The following PTPRD variants were observed in gnomAD, a reference collection of about 807,000 sequenced individuals.
The protein encoded by PTPRD is receptor-type tyrosine-protein phosphatase delta.
In PTPRD, 34 loss-of-function variants were observed where a neutral mutation model predicts 214.5. The ratio of observed to expected loss-of-function variants is 0.16; its 90% CI spans 0.12 to 0.21. PTPRD has a LOEUF of 0.21. PTPRD is among the 10% of genes least tolerant of loss of function. The pLI is 1.00. For synonymous variants in PTPRD, 1,128 were observed against 845.7 expected, an observed-to-expected ratio of 1.33 and a Z score of -5.79; for missense variants, 2,545 against 2,398.7, an observed-to-expected ratio of 1.06 and a Z score of -1.27.
At chr9:9,076,602 C>A (rs2099751601) in intron 10 of PTPRD, among the ~76,000 whole-genome samples, 1 of 152,020 alleles carries the variant, frequency 6.6e-6, no homozygotes, top group Admixed American at 6.6e-5. Flanking sequence ...TCCTTCAGTT[C>A]CATCTCTGTT....
At chr9:10,412,921 G>A (rs983922615) in intron 2 of PTPRD, among the ~76,000 whole-genome samples, 1 of 151,824 alleles carries the variant, frequency 6.6e-6, no homozygotes, top group Non-Finnish European at 1.5e-5. Context: ...ATCCCTTCAT[G>A]TTAAAAATTC....
At chr9:9,947,596 A>ATT (rs1491512192) in intron 4 of PTPRD, among the ~76,000 whole-genome samples, 3 of 47,928 alleles carry the variant, frequency 6.3e-5, no homozygotes, top group Non-Finnish European at 1.0e-4. Context: ...TTATATATAT[A>ATT]ATATATATAT....
intron 5 of PTPRD, among the ~76,000 whole-genome samples, chr9:9,814,401 C>A (rs534138122): frequency 4.2e-4 from 64 of 151,394 alleles, no homozygotes; most frequent in African/African-American, 1.5e-3. Context: ...CTCAACCCCC[C>A]ACTATAAAAC....
At chr9:9,472,604 G>GAA (rs35048464) in intron 8 of PTPRD, among the ~76,000 whole-genome samples, 5 of 151,924 alleles carry the variant, frequency 3.3e-5, no homozygotes, top group Non-Finnish European at 7.4e-5. Context: ...GCATTTGAGG[G>GAA]AAAAAAATAG....
intron 9 of PTPRD, among the ~76,000 whole-genome samples, chr9:9,231,366 G>C (rs1370988160): frequency 6.6e-6 from 1 of 152,082 alleles, no homozygotes. Context: ...AGTAATTAGA[G>C]TATATTATTG....
At chr9:8,789,665 T>C (rs1045964798) in intron 11 of PTPRD, among the ~76,000 whole-genome samples, 4 of 151,038 alleles carry the variant, frequency 2.6e-5, no homozygotes, top group African/African-American at 4.9e-5. Flanking sequence ...TACCTTATTA[T>C]TGAGGGGCAA....
At chr9:8,338,883 T>A in intron 43 of PTPRD, 39 bp downstream of exon 43, 1 of 1,532,780 alleles carries the variant, frequency 6.5e-7, no homozygotes, top group Non-Finnish European at 8.9e-7. Flanking sequence ...AGACTACTTT[T>A]CAGCTAATGG....
At chr9:9,741,344 A>G (rs2098399160) in intron 6 of PTPRD, among the ~76,000 whole-genome samples, 1 of 118,540 alleles carries the variant, frequency 8.4e-6, no homozygotes, top group Non-Finnish European at 1.6e-5. Context: ...CAATCAATGA[A>G]ATTTCAAAAA....
At chr9:9,687,462 A>C (rs1404986433) in intron 7 of PTPRD, among the ~76,000 whole-genome samples, 2 of 151,782 alleles carry the variant, frequency 1.3e-5, no homozygotes, top group Admixed American at 1.3e-4. Context: ...TGATTCCCAA[A>C]TGTCAGACAC....
intron 3 of PTPRD, among the ~76,000 whole-genome samples, chr9:10,172,531 G>A (rs1449979506): frequency 6.6e-6 from 1 of 152,110 alleles, no homozygotes. Context: ...AATTCTCCAT[G>A]TGAGCCACTA....
At position 10,490,969 on chromosome 9, in the gene PTPRD, A is replaced by G. The variant is rs141648765; in HGVS notation, c.-600+121429T>C. Among the ~76,000 whole-genome samples, 57 of 152,292 alleles carry G rather than the reference A, an allele frequency of 3.7e-4. No homozygotes were observed. The East Asian group carries it at 0.01, about 27-fold the overall frequency. ...ATTTCTCTATCTTAATACTGTACAC[A>G]TAATCACTAGATTTACACACATATA... On this transcript the variant is annotated intron_variant, in intron 2 of 45. Transcript: ENST00000381196.
chr9:9,851,608 T>C (rs2060560984), intron 5 of PTPRD, among the ~76,000 whole-genome samples: 1 of 152,194 alleles, frequency 6.6e-6, no homozygotes, highest in Admixed American at 6.5e-5. Context: ...CTATAATATG[T>C]ATTCATTTAT....
At chr9:8,318,127 GTTGA>G (rs575069427) in intron 45 of PTPRD, among the ~76,000 whole-genome samples, 185 bp from the exon 46 acceptor site, 6 of 152,038 alleles carry the variant, frequency 3.9e-5, no homozygotes, top group African/African-American at 9.7e-5. Context: ...CACATGGGGT[GTTGA>G]TTAACTTTGC....
At chr9:8,379,452 C>CT (rs1164668573) in intron 37 of PTPRD, among the ~76,000 whole-genome samples, 16 of 152,010 alleles carry the variant, frequency 1.1e-4, no homozygotes, top group Non-Finnish European at 1.3e-4. Context: ...TTTAAGTCTC[C>CT]TTTTTTGCCA....
chr9:10,312,182 G>A (rs577780644), intron 3 of PTPRD, among the ~76,000 whole-genome samples: 1 of 152,034 alleles, frequency 6.6e-6, no homozygotes, highest in South Asian at 2.1e-4. Context: ...CCTATTATGA[G>A]ATTTTATGTT....
At chr9:9,474,173 T>C (rs1044530666) in intron 8 of PTPRD, among the ~76,000 whole-genome samples, 1 of 152,142 alleles carries the variant, frequency 6.6e-6, no homozygotes, top group Non-Finnish European at 1.5e-5. Flanking sequence ...TTCTGCTGCA[T>C]ATGGATATCC....
At chr9:8,861,895 T>C (rs1332239499) in intron 11 of PTPRD, 1 of 152,232 alleles carries the variant, frequency 6.6e-6, no homozygotes, top group African/African-American at 2.4e-5. Context: ...ATACACTTTA[T>C]TGACTTACTG....
intron 4 of PTPRD, among the ~76,000 whole-genome samples, chr9:9,970,459 A>T (rs963720864): frequency 6.3e-5 from 8 of 126,480 alleles, no homozygotes; most frequent in Admixed American, 3.9e-4. Flanking sequence ...AGAAAAAGAA[A>T]AAGAAAAAAA....
At chr9:10,329,981 T>C (rs932788018) in intron 3 of PTPRD, among the ~76,000 whole-genome samples, 12 of 151,992 alleles carry the variant, frequency 7.9e-5, no homozygotes, top group African/African-American at 2.9e-4. Flanking sequence ...ATTTGAAATG[T>C]AAAATCACTG....
Sources: gnomAD v4.1 joint callset for allele counts (sites outside exome capture counted in the v4.1 genomes callset) on GRCh38, gnomAD v4.1.1 for gene constraint, MANE v1.5 for transcripts, NCBI Gene and HGNC (gene_info 2026-07-23, HGNC 2026-07-21) for gene names.